The following RTRAF variants were observed in gnomAD, a reference collection of about 807,000 sequenced individuals.
RTRAF encodes the protein tRNA-splicing ligase complex subunit RTRAF.
In RTRAF, 14 loss-of-function variants were observed where a neutral mutation model predicts 34.4. The observed-to-expected ratio is 0.41, with a 90% confidence interval of 0.27 to 0.64. The LOEUF (loss-of-function observed/expected upper bound fraction) is 0.64, where lower values mean the gene tolerates loss of function less well. Ranked by LOEUF, RTRAF falls within the 30% of genes least tolerant of loss-of-function variation. The probability of loss-of-function intolerance (pLI) is 0.34; values close to 1 mark genes in which losing one functional copy is unlikely to be tolerated. For synonymous variants in RTRAF, 96 were observed against 95.3 expected, an observed-to-expected ratio of 1.01 and a Z score of -0.04; for missense variants, 291 against 288.4, an observed-to-expected ratio of 1.01 and a Z score of -0.06.
chr14:51,994,265 G>A lies in RTRAF; in HGVS notation c.286+443G>A, dbSNP rs73301037. Among the ~76,000 whole-genome samples, 967 of 152,292 alleles carry A rather than the reference G, an allele frequency of 6.3e-3. 8 individuals carry two copies. The highest frequency in any genetic ancestry group is 0.022 in the African/African-American group (929 of 41,570). On this transcript the variant is annotated intron_variant, in intron 3 of 7. Transcript: ENST00000261700. ...AGCACAGATACTTCTATGGTTGGAA[G>A]CTTCTGAATGTTAGTACCTATAGTA...
chr14:51,989,583 A>T lies in RTRAF; in HGVS notation c.-57A>T. 2.0e-6 allele frequency: 3 copies of T among 1,537,824 alleles called. No individual in the cohort carries two copies. The highest frequency in any genetic ancestry group is 1.7e-4 in the Middle Eastern group (1 of 5,932). On this transcript the variant is annotated 5_prime_UTR_variant, in exon 1 of 8. Coordinates refer to ENST00000261700, the MANE Select transcript of RTRAF (RefSeq NM_016039.3). ...CGCCGGTGCCTGCGCCTCCCGCTCC[A>T]CCTCGCTTCTTCTCTCCCGGCCGAG...
chr14:52,002,889 T>TA (rs1890623303), intron 6 of RTRAF, among the ~76,000 whole-genome samples: 1 of 152,244 alleles, frequency 6.6e-6, no homozygotes, highest in Non-Finnish European at 1.5e-5. Context: ...TAAAGGTTCT[T>TA]ACTGGCTCGT....
At position 52,006,410 on chromosome 14, in the gene RTRAF, A is replaced by T; in HGVS notation, c.*1894A>T. 1 of 927,666 alleles carries T rather than the reference A, an allele frequency of 1.1e-6. No individual in the cohort carries two copies. Among genetic ancestry groups the T allele is most frequent in the African/African-American group, 1.7e-5 (1 of 60,426 alleles). 57.5% of individuals were successfully genotyped at this position (927,666 alleles called of 1,614,324 possible). ...TGAAGGATCTTATCTGCCAATGAGG[A>T]GGTGATGAAACAAAAGCCTCAGAGG... is the stretch of plus-strand genomic sequence containing the variant. On this transcript the variant is annotated 3_prime_UTR_variant, in exon 8 of 8. Coordinates refer to ENST00000261700, the MANE Select transcript of RTRAF (RefSeq NM_016039.3).
Position 52,007,856 on chromosome 14 carries a change from G to A in RTRAF, c.*3340G>A. The A allele has an allele frequency of 6.2e-7, 1 of 1,613,904 alleles. No individual in the cohort carries two copies. The highest frequency in any genetic ancestry group is 8.5e-7 in the Non-Finnish European group (1 of 1,179,882). Reference sequence around the variant, plus strand: ...GTTTAGAGAAAGGGTCAAAGGTTAAGCCATTGGGCAATCCAATGTCTGTAT... The same window carrying A: ...GTTTAGAGAAAGGGTCAAAGGTTAAACCATTGGGCAATCCAATGTCTGTAT... On this transcript the variant is annotated 3_prime_UTR_variant, in exon 8 of 8. Transcript: ENST00000261700.
rs2140339375 is a variant in RTRAF at position 52,007,192 on chromosome 14, A to T, written c.*2676A>T. The T allele has an allele frequency of 6.5e-6, 1 of 154,090 alleles. No homozygotes were observed. The highest frequency in any genetic ancestry group is 2.4e-5 in the African/African-American group (1 of 41,586). 9.5% of individuals were successfully genotyped at this position (154,090 alleles called of 1,614,324 possible). On this transcript the variant is annotated 3_prime_UTR_variant, in exon 8 of 8. Transcript: ENST00000261700. Reference sequence around the variant, plus strand: ...TTTCCAAGTTTCACATTTCTCATGGAGCCGATTTAAATTTCAAATCCTTTT... The same window carrying T: ...TTTCCAAGTTTCACATTTCTCATGGTGCCGATTTAAATTTCAAATCCTTTT...
At position 51,999,748 on chromosome 14, in the gene RTRAF, T is replaced by C. The variant is rs1167155488; in HGVS notation, c.414T>C (p.Ala138=). 6.2e-7 allele frequency: 1 copy of C among 1,610,896 alleles called. No homozygotes were observed. Among genetic ancestry groups the C allele is most frequent in the Admixed American group, 1.7e-5 (1 of 59,978 alleles). ...PDFKAGVMAL[A]NLLQIQRHDD... ...TTAAGGCTGGTGTGATGGCTTTGGC[T>C]AACCTGCTTCAGATTCAGCGTCATG... is the stretch of plus-strand genomic sequence containing the variant. Residue 138 remains alanine (A), a synonymous_variant, in exon 5 of 8, where the codon GCT becomes GCC. Coordinates refer to ENST00000261700, the MANE Select transcript of RTRAF (RefSeq NM_016039.3).
chr14:52,001,496 C>T (rs1375308515), intron 5 of RTRAF, among the ~76,000 whole-genome samples: 1 of 152,088 alleles, frequency 6.6e-6, no homozygotes, highest in Non-Finnish European at 1.5e-5. Flanking sequence ...AGGAAGGAGA[C>T]CTACTTTTTA....
chr14:52,006,541 T>A lies in RTRAF; in HGVS notation c.*2025T>A. ...TCCAGAATTTGTGGGGCTCACCTCCTCCAGTCTGTGTGGTAGAAGTGATCT... is the reference window on the plus strand; with the variant it reads ...TCCAGAATTTGTGGGGCTCACCTCCACCAGTCTGTGTGGTAGAAGTGATCT... On this transcript the variant is annotated 3_prime_UTR_variant, in exon 8 of 8. Coordinates refer to ENST00000261700, the MANE Select transcript of RTRAF (RefSeq NM_016039.3). 6.2e-7 allele frequency: 1 copy of A among 1,613,620 alleles called. No homozygotes were observed. Among genetic ancestry groups the A allele is most frequent in the South Asian group, 1.1e-5 (1 of 91,074 alleles).
Position 52,006,426 on chromosome 14 carries a change from G to T in RTRAF, c.*1910G>T. On this transcript the variant is annotated 3_prime_UTR_variant, in exon 8 of 8. Coordinates refer to ENST00000261700, the MANE Select transcript of RTRAF (RefSeq NM_016039.3). The stretch of plus-strand genomic sequence containing the variant: ...CCAATGAGGAGGTGATGAAACAAAA[G>T]CCTCAGAGGGCTTAATGAGTCAAGT... 8.2e-7 allele frequency: 1 copy of T among 1,218,932 alleles called. No homozygotes were observed. The highest frequency in any genetic ancestry group is 1.2e-6 in the Non-Finnish European group (1 of 865,122). 75.5% of individuals were successfully genotyped at this position (1,218,932 alleles called of 1,614,324 possible). A position where few individuals can be genotyped will look rare whatever the true frequency, so the allele number is the denominator to read the frequency against.
chr14:51,991,015 C>G (rs1308747255), intron 1 of RTRAF, among the ~76,000 whole-genome samples: 1 of 152,134 alleles, frequency 6.6e-6, no homozygotes, highest in Non-Finnish European at 1.5e-5. Context: ...CTTCATAACT[C>G]TATGAGGTAA....
rs890644513 is a variant in RTRAF at position 52,010,134 on chromosome 14, G to A, written c.*5618G>A. 1.3e-5 allele frequency: 2 copies of A among 152,150 alleles called. No individual in the cohort carries two copies. The highest frequency in any genetic ancestry group is 2.9e-5 in the Non-Finnish European group (2 of 68,024). The allele number at this position is 152,150 out of a possible 1,614,324, so 9.4% of individuals were successfully genotyped here. A position where few individuals can be genotyped will look rare whatever the true frequency, so the allele number is the denominator to read the frequency against. Reference sequence around the variant, plus strand: ...GATACAGGTACTTTTCCTGTGTGTAGAACCCAAAGTTTGAAACCACCTTTG... The same window carrying A: ...GATACAGGTACTTTTCCTGTGTGTAAAACCCAAAGTTTGAAACCACCTTTG... On this transcript the variant is annotated 3_prime_UTR_variant, in exon 8 of 8. Coordinates refer to ENST00000261700, the MANE Select transcript of RTRAF (RefSeq NM_016039.3).
In RTRAF at chr14:51,999,752, C is replaced by T. The variant is rs374231550; in HGVS notation, c.418C>T (p.Leu140=). The change falls in exon 5 of 8, where the codon CTG becomes TTG. Residue 140 remains leucine (L), a synonymous_variant. Coordinates refer to ENST00000261700, the MANE Select transcript of RTRAF (RefSeq NM_016039.3). ...GGCTGGTGTGATGGCTTTGGCTAAC[C>T]TGCTTCAGATTCAGCGTCATGATGA... ...FKAGVMALAN[L]LQIQRHDDYL... 4 of 1,610,472 alleles carry T rather than the reference C, an allele frequency of 2.5e-6. No homozygotes were observed. The highest frequency in any genetic ancestry group is 3.3e-4 in the Middle Eastern group (2 of 6,046).
rs568194971 is a variant in RTRAF, at chr14:52,005,386, A to G, written c.*870A>G. 2.7e-5 allele frequency: 33 copies of G among 1,217,636 alleles called. No homozygotes were observed. In the Middle Eastern group the frequency reaches 2.5e-3, roughly 93 times the overall value. The allele number at this position is 1,217,636 out of a possible 1,614,324, so 75.4% of individuals were successfully genotyped here. A position where few individuals can be genotyped will look rare whatever the true frequency, so the allele number is the denominator to read the frequency against. On this transcript the variant is annotated 3_prime_UTR_variant, in exon 8 of 8. Transcript: ENST00000261700. ...CATCTTGGATGCTCAGGAACGTCTAATGGCCAATTCCTTTTTTACTTTCTT... is the reference window on the plus strand; with the variant it reads ...CATCTTGGATGCTCAGGAACGTCTAGTGGCCAATTCCTTTTTTACTTTCTT...
chr14:51,989,735 T>C, intron 1 of RTRAF, 35 bp downstream of exon 1: 1 of 1,573,122 alleles, frequency 6.4e-7, no homozygotes, highest in Non-Finnish European at 8.6e-7. Context: ...CGCGTGTCCC[T>C]GACCTGGGCG....
At chr14:51,999,836 C>G in intron 5 of RTRAF, 40 bp downstream of exon 5, 1 of 1,419,828 alleles carries the variant, frequency 7.0e-7, no homozygotes, top group Non-Finnish European at 9.8e-7. Flanking sequence ...AAACTGTGCA[C>G]ATAGAAAAAT....
rs775859903 is a variant in RTRAF, at chr14:52,005,487, T to TAA, written c.*972_*973insAA. The TAA allele has an allele frequency of 1.8e-4, 280 of 1,598,042 alleles. 1 individual carries two copies. The highest frequency in any genetic ancestry group is 8.5e-6 in the Non-Finnish European group (10 of 1,173,972). On this transcript the variant is annotated 3_prime_UTR_variant, in exon 8 of 8. Transcript: ENST00000261700. The stretch of plus-strand genomic sequence containing the variant: ...AAGTCTTCCTTTACATTACTGTACT[T>TAA]ACTTTCTTCCTGTGAGAGAAGAGCA...
rs764908128 is a variant in RTRAF at position 52,006,535 on chromosome 14, A to ACC, written c.*2020_*2021dup. ...GGCTTGTCCAGAATTTGTGGGGCTC[A>ACC]CCTCCTCCAGTCTGTGTGGTAGAAG... is the stretch of plus-strand genomic sequence containing the variant. On this transcript the variant is annotated 3_prime_UTR_variant, in exon 8 of 8. Transcript: ENST00000261700. 63 of 1,613,216 alleles carry ACC rather than the reference A, an allele frequency of 3.9e-5. No individual in the cohort carries two copies. Among genetic ancestry groups the ACC allele is most frequent in the Non-Finnish European group, 4.9e-5 (58 of 1,179,504 alleles).
intron 2 of RTRAF, 87 bp from the exon 3 acceptor site, chr14:51,993,635 CT>C: frequency 2.6e-6 from 2 of 761,050 alleles, no homozygotes. Flanking sequence ...GAGATCCAAA[CT>C]AAGGTCTCTT....
rs1482274329 is a variant in RTRAF at position 52,009,028 on chromosome 14, T to C, written c.*4512T>C. On this transcript the variant is annotated 3_prime_UTR_variant, in exon 8 of 8. Coordinates refer to ENST00000261700, the MANE Select transcript of RTRAF (RefSeq NM_016039.3). ...GCAGAAATAATGTTGAAAGCACTTT[T>C]TATAAAATACTATTTTATAAAAGCT... 6.6e-6 allele frequency: 1 copy of C among 152,220 alleles called. No individual in the cohort carries two copies. Among genetic ancestry groups the C allele is most frequent in the Non-Finnish European group, 1.5e-5 (1 of 68,044 alleles). The allele number at this position is 152,220 out of a possible 1,614,324, so 9.4% of individuals were successfully genotyped here.
Sources: gnomAD v4.1 joint callset for allele counts (sites outside exome capture counted in the v4.1 genomes callset) on GRCh38, gnomAD v4.1.1 for gene constraint, MANE v1.5 for transcripts, NCBI Gene and HGNC (gene_info 2026-07-23, HGNC 2026-07-21) for gene names.